Variants in TOP2B observed in about 807,000 individuals in gnomAD.
The protein encoded by TOP2B is DNA topoisomerase 2-beta.
A neutral mutation model predicts 193.5 loss-of-function variants in TOP2B; 51 were observed. The ratio of observed to expected loss-of-function variants is 0.26; its 90% CI spans 0.21 to 0.33. TOP2B has a LOEUF of 0.33. TOP2B is among the 10% of genes least tolerant of loss of function. The pLI is 1.00. For synonymous variants in TOP2B, 634 were observed against 635.7 expected (o/e 1.00, Z 0.04); for missense variants, 1,378 against 1,909.3 (o/e 0.72, Z 5.19).
intron 4 of TOP2B, among the ~76,000 whole-genome samples, chr3:25,641,309 A>G (rs1357106180): frequency 6.6e-6 from 1 of 152,198 alleles, no homozygotes; most frequent in Non-Finnish European, 1.5e-5. Flanking sequence ...AAGATATCAA[A>G]CATTCAGTGT....
At chr3:25,609,157 C>T (rs1702306771) in intron 30 of TOP2B, 26 bp downstream of exon 30, 1 of 1,567,602 alleles carries the variant, frequency 6.4e-7, no homozygotes, top group Non-Finnish European at 8.7e-7. Flanking sequence ...CTATAATATA[C>T]AGTAATATTA....
At chr3:25,650,816 C>G (rs1039150997) in intron 1 of TOP2B, among the ~76,000 whole-genome samples, 1 of 152,166 alleles carries the variant, frequency 6.6e-6, no homozygotes, top group Non-Finnish European at 1.5e-5. Flanking sequence ...TTGTAAACTG[C>G]TCATTTATTT....
intron 15 of TOP2B, among the ~76,000 whole-genome samples, chr3:25,628,328 A>G (rs1369897476): frequency 6.6e-6 from 1 of 151,576 alleles, no homozygotes; most frequent in Non-Finnish European, 1.5e-5. Flanking sequence ...TACAAAAATT[A>G]GCTGGGTGTG....
intron 1 of TOP2B, among the ~76,000 whole-genome samples, chr3:25,646,238 T>C (rs533661259): frequency 6.6e-6 from 1 of 152,278 alleles, no homozygotes; most frequent in South Asian, 2.1e-4. Flanking sequence ...AAAAATGACC[T>C]ACACAAAATA....
intron 28 of TOP2B, 72 bp from the exon 29 acceptor site, chr3:25,609,784 C>G: frequency 7.3e-7 from 1 of 1,369,834 alleles, no homozygotes; most frequent in Non-Finnish European, 9.5e-7. Flanking sequence ...TAGTTTCAAT[C>G]AACAGATAGC....
At position 25,615,247 on chromosome 3, in the gene TOP2B, A is replaced by T. The variant is rs1158617573; in HGVS notation, c.3549T>A (p.Asp1183Glu). ...VNDLKRKSPS[D>E]LWKEDLAAFV... ...ATGCCGCTAAATCCTCTTTCCAAAG[A>T]TCTGAAGGAGATTTTCTTTTAAGAT... Residue 1183 changes from aspartate (D) to glutamate (E), a missense_variant, in exon 27 of 36, where the codon GAT (aspartate) becomes GAA (glutamate). Physicochemically the swap from Asp to Glu is conservative, Grantham distance 45. Around this residue, in one of 9 missense-constraint regions of TOP2B, gnomAD observed 556 missense variants for 584.2 expected, o/e 0.95. Transcript: ENST00000264331. 1 of 1,612,720 alleles carries T rather than the reference A, an allele frequency of 6.2e-7. No homozygotes were observed. Among genetic ancestry groups the T allele is most frequent in the Non-Finnish European group, 8.5e-7 (1 of 1,179,142 alleles).
rs1702256316 is a variant in TOP2B, at chr3:25,607,205, T to C, written c.4264A>G (p.Thr1422Ala). 2 of 1,612,746 alleles carry C rather than the reference T, an allele frequency of 1.2e-6. No individual in the cohort carries two copies. The highest frequency in any genetic ancestry group is 2.7e-5 in the African/African-American group (2 of 75,032). Residue 1422 changes from threonine (T) to alanine (A), a missense_variant, in exon 31 of 36, where the codon ACA becomes GCA. By Grantham distance (58) the Thr-to-Ala change is moderately conservative. Around this residue, in one of 9 missense-constraint regions of TOP2B, gnomAD observed 556 missense variants for 584.2 expected, o/e 0.95. Coordinates refer to ENST00000264331, the MANE Select transcript of TOP2B (RefSeq NM_001330700.2). ...GCTTTTGATTTGCCTGGTGAAAATG[T>C]ATATTCATCTTTATCTAACCCATCT... is the stretch of plus-strand genomic sequence containing the variant. ...PSDGLDKDEY[T>A]FSPGKSKATP... is the part of the protein sequence containing the mutation.
At chr3:25,637,560 A>G (rs973715938) in intron 5 of TOP2B, among the ~76,000 whole-genome samples, 1 of 152,022 alleles carries the variant, frequency 6.6e-6, no homozygotes, top group Non-Finnish European at 1.5e-5. Flanking sequence ...TACAATTTCA[A>G]AAGCATTAAG....
chr3:25,644,561 C>T (rs1703357639), intron 2 of TOP2B, among the ~76,000 whole-genome samples: 2 of 151,686 alleles, frequency 1.3e-5, no homozygotes, highest in Admixed American at 6.6e-5. Context: ...ATTAGCCAGG[C>T]GTGGTGGCGC....
chr3:25,650,587 G>A (rs1281873471), intron 1 of TOP2B, among the ~76,000 whole-genome samples: 1 of 152,188 alleles, frequency 6.6e-6, no homozygotes, highest in Non-Finnish European at 1.5e-5. Flanking sequence ...CTCATTGAAT[G>A]GAAAGTCTGT....
chr3:25,628,369 CG>C (rs1559500244), intron 15 of TOP2B, among the ~76,000 whole-genome samples: 1 of 97,102 alleles, frequency 1.0e-5, no homozygotes, highest in Admixed American at 1.1e-4. Flanking sequence ...CAGCTACTTG[CG>C]GGGGCTGAGG....
intron 33 of TOP2B, among the ~76,000 whole-genome samples, chr3:25,603,117 T>C (rs1702148847): frequency 6.6e-6 from 1 of 152,102 alleles, no homozygotes; most frequent in Non-Finnish European, 1.5e-5. Flanking sequence ...TTAGGTTAAA[T>C]ATGGGTGAAC....
At chr3:25,662,998 T>C (rs1301501887) in intron 1 of TOP2B, among the ~76,000 whole-genome samples, 1 of 152,236 alleles carries the variant, frequency 6.6e-6, no homozygotes, top group Admixed American at 6.5e-5. Context: ...ACTAACTTAG[T>C]ATCTGACATT....
chr3:25,624,149 A>G, intron 20 of TOP2B, 148 bp downstream of exon 20: 1 of 966,206 alleles, frequency 1.0e-6, no homozygotes, highest in Non-Finnish European at 1.5e-6. Flanking sequence ...ACTTCATTCT[A>G]TTTGTGGTCA....
intron 2 of TOP2B, 98 bp from the exon 3 acceptor site, chr3:25,643,882 CT>C: frequency 1.3e-6 from 1 of 784,632 alleles, no homozygotes; most frequent in Non-Finnish European, 2.1e-6. Flanking sequence ...TATATGAATA[CT>C]TAGATCTGCA....
At chr3:25,637,387 G>T in intron 5 of TOP2B, 75 bp from the exon 6 acceptor site, 3 of 1,072,158 alleles carry the variant, frequency 2.8e-6, no homozygotes, top group Non-Finnish European at 4.1e-6. Flanking sequence ...CCACCATACG[G>T]CAAGGCTGTT....
At position 25,664,457 on chromosome 3, in the gene TOP2B, A is replaced by C. The variant is rs1704028193; in HGVS notation, c.-160T>G. 3.2e-6 allele frequency: 4 copies of C among 1,235,294 alleles called. No homozygotes were observed. Among genetic ancestry groups the C allele is most frequent in the Non-Finnish European group, 4.0e-6 (4 of 991,214 alleles). 76.5% of individuals were successfully genotyped at this position (1,235,294 alleles called of 1,614,324 possible). ...TCGCGAAGATCCGGAGCGGACGTCC[A>C]GCCGAGCCCGCTGAGGAGGCCGCGC... On this transcript the variant is annotated 5_prime_UTR_variant, in exon 1 of 36. Coordinates refer to ENST00000264331, the MANE Select transcript of TOP2B (RefSeq NM_001330700.2).
chr3:25,619,609 T>G (rs1202823374), intron 23 of TOP2B, among the ~76,000 whole-genome samples: 2 of 152,008 alleles, frequency 1.3e-5, no homozygotes, highest in African/African-American at 2.4e-5. Flanking sequence ...TTAGTCAATG[T>G]GTGTGAAGAT....
chr3:25,656,250 T>C (rs1242947577), intron 1 of TOP2B, among the ~76,000 whole-genome samples: 1 of 152,162 alleles, frequency 6.6e-6, no homozygotes, highest in Non-Finnish European at 1.5e-5. Context: ...ATTTATAGAA[T>C]ACAATGGAAG....
Sources: allele counts gnomAD v4.1 joint callset (sites outside exome capture counted in the v4.1 genomes callset), GRCh38; gene constraint gnomAD v4.1.1; regional missense constraint gnomAD v4.1.1; transcripts MANE v1.5; gene names NCBI Gene and HGNC (gene_info 2026-07-23, HGNC 2026-07-21).